UBR3: variants seen among roughly 807,000 people sequenced by gnomAD.
The protein encoded by UBR3 is ubiquitin protein ligase E3 component n-recognin 3, also known as E3 ubiquitin-protein ligase UBR3.
Under a neutral mutation model 243.2 loss-of-function variants are expected in UBR3, and 85 were observed. The observed-to-expected ratio is 0.35, with a 90% CI of 0.29 to 0.42. The LOEUF (loss-of-function observed/expected upper bound fraction) is 0.42, where lower values mean the gene tolerates loss of function less well. Among genes scored for constraint, UBR3 ranks in the 10% least tolerant of loss-of-function variants. The probability of loss-of-function intolerance (pLI) is 1.00; values close to 1 mark genes in which losing one functional copy is unlikely to be tolerated. For synonymous variants in UBR3, 748 were observed against 799.8 expected, an observed-to-expected ratio of 0.94 and a Z score of 1.09; for missense variants, 1,686 against 2,300.8, an observed-to-expected ratio of 0.73 and a Z score of 5.47.
chr2:170,001,965 T>C (rs2089729690), intron 27 of UBR3, among the ~76,000 whole-genome samples: 1 of 144,264 alleles, frequency 6.9e-6, no homozygotes, highest in Admixed American at 6.9e-5. Context: ...TTTTTCACTT[T>C]AGCAACTGAC....
chr2:169,857,839 T>C (rs1284537209), intron 1 of UBR3, among the ~76,000 whole-genome samples: 1 of 152,168 alleles, frequency 6.6e-6, no homozygotes, highest in Non-Finnish European at 1.5e-5. Context: ...CCTCCTGAGC[T>C]AAAGTGATCC....
At chr2:169,881,631 A>G (rs1269457497) in intron 5 of UBR3, among the ~76,000 whole-genome samples, 3 of 136,520 alleles carry the variant, frequency 2.2e-5, no homozygotes, top group Non-Finnish European at 3.1e-5. Flanking sequence ...TTTTTTTGAG[A>G]TAGGGTCTTG....
At chr2:170,051,423 C>A (rs1307011336) in intron 32 of UBR3, among the ~76,000 whole-genome samples, 3 of 152,170 alleles carry the variant, frequency 2.0e-5, no homozygotes, top group African/African-American at 7.2e-5. Context: ...CAGCTCACTG[C>A]AAACGCCATC....
intron 33 of UBR3, among the ~76,000 whole-genome samples, chr2:170,055,913 C>T (rs2091322332): frequency 1.3e-5 from 2 of 151,966 alleles, no homozygotes; most frequent in Non-Finnish European, 2.9e-5. Flanking sequence ...TTTTATTCGC[C>T]ACTTTTTCTT....
chr2:169,928,388 A>G (rs1283648953), intron 17 of UBR3, among the ~76,000 whole-genome samples: 1 of 152,122 alleles, frequency 6.6e-6, no homozygotes, highest in Non-Finnish European at 1.5e-5. Context: ...TTTTTTAAGG[A>G]AAAGTTATTT....
At chr2:170,014,985 C>G in intron 29 of UBR3, 12 of 147,836 alleles carry the variant, frequency 8.1e-5, no homozygotes, top group East Asian at 1.6e-4. Flanking sequence ...TTTTTTTTTT[C>G]TTAAGGCCTA....
chr2:169,975,244 T>C (rs1170338516), intron 24 of UBR3, among the ~76,000 whole-genome samples: 3 of 152,210 alleles, frequency 2.0e-5, no homozygotes, highest in Non-Finnish European at 4.4e-5. Context: ...GTTATTTAAT[T>C]TCCATGTATT....
chr2:169,828,094 G>A (rs1162021501), intron 1 of UBR3, 42 bp downstream of exon 1: 34 of 1,349,994 alleles, frequency 2.5e-5, no homozygotes, highest in Non-Finnish European at 3.2e-5. Flanking sequence ...CCCTGGGCCG[G>A]GGACGTCGCG....
intron 36 of UBR3, chr2:170,077,531 C>T (rs2091834949): frequency 1.2e-6 from 1 of 836,854 alleles, no homozygotes; most frequent in South Asian, 2.0e-5. Context: ...GTAAAGCCAT[C>T]TCCAACAAAG....
chr2:169,913,938 A>G (rs2085353840), intron 10 of UBR3, 122 bp from the exon 11 acceptor site: 1 of 392,008 alleles, frequency 2.6e-6, no homozygotes, highest in Non-Finnish European at 4.1e-6. Flanking sequence ...GGCAAATATA[A>G]TCTTAAAATC....
At chr2:169,870,661 AT>A (rs540084731) in intron 1 of UBR3, among the ~76,000 whole-genome samples, 8 of 148,806 alleles carry the variant, frequency 5.4e-5, no homozygotes, top group Admixed American at 6.7e-5. Flanking sequence ...TATTATTATT[AT>A]TTTTTTTTTG....
chr2:169,908,517 A>G (rs545724643), intron 10 of UBR3, among the ~76,000 whole-genome samples: 2 of 152,226 alleles, frequency 1.3e-5, no homozygotes, highest in South Asian at 4.1e-4. Flanking sequence ...GACATTGTTT[A>G]GATGCTTAAG....
rs1024412602 is a variant in UBR3 at position 170,083,931 on chromosome 2, T to G, written c.*2088T>G. 4.6e-4 allele frequency: 70 copies of G among 152,578 alleles called. No individual in the cohort carries two copies. The highest frequency in any genetic ancestry group is 1.6e-3 in the African/African-American group (67 of 41,454). The allele number at this position is 152,578 out of a possible 1,614,324, so 9.5% of individuals were successfully genotyped here. A position where few individuals can be genotyped will look rare whatever the true frequency, so the allele number is the denominator to read the frequency against. ...CACTTTTAAAAATAACAGGTCCAAG[T>G]TAGAGTGATGTGTGTATATTATTCA... On this transcript the variant is annotated 3_prime_UTR_variant, in exon 39 of 39. Coordinates refer to ENST00000272793, the MANE Select transcript of UBR3 (RefSeq NM_172070.4).
At chr2:169,843,878 T>A (rs1198014239) in intron 1 of UBR3, among the ~76,000 whole-genome samples, 4 of 152,232 alleles carry the variant, frequency 2.6e-5, no homozygotes, top group Admixed American at 6.5e-5. Flanking sequence ...ATTCCTTTTT[T>A]AAATATCTTG....
intron 24 of UBR3, among the ~76,000 whole-genome samples, chr2:169,969,505 ATGTG>A (rs2087987145): frequency 1.4e-5 from 2 of 148,038 alleles, no homozygotes; most frequent in African/African-American, 5.0e-5. Flanking sequence ...GGCTGTAAAT[ATGTG>A]TATTTATTTC....
intron 31 of UBR3, among the ~76,000 whole-genome samples, chr2:170,030,936 A>G (rs1404479375): frequency 6.6e-6 from 1 of 152,130 alleles, no homozygotes; most frequent in Non-Finnish European, 1.5e-5. Context: ...GCCTATTTCA[A>G]AAAATTGGAT....
chr2:170,053,775 T>A (rs946733491), intron 32 of UBR3, among the ~76,000 whole-genome samples: 1 of 152,218 alleles, frequency 6.6e-6, no homozygotes, highest in Non-Finnish European at 1.5e-5. Context: ...ATCTGCAAGT[T>A]TTTGACTCCA....
chr2:169,884,313 C>T (rs1022411639), intron 5 of UBR3, among the ~76,000 whole-genome samples: 4 of 152,012 alleles, frequency 2.6e-5, no homozygotes, highest in South Asian at 2.1e-4. Context: ...CCACCACACC[C>T]GGCTAATTTT....
intron 26 of UBR3, among the ~76,000 whole-genome samples, chr2:169,997,248 C>T (rs1198717894): frequency 2.6e-5 from 4 of 152,212 alleles, no homozygotes; most frequent in African/African-American, 9.6e-5. Context: ...GCCCACTGGG[C>T]TCACTCTACC....
Sources: gnomAD v4.1 joint callset for allele counts (sites outside exome capture counted in the v4.1 genomes callset) on GRCh38, gnomAD v4.1.1 for gene constraint, MANE v1.5 for transcripts, NCBI Gene and HGNC (gene_info 2026-07-23, HGNC 2026-07-21) for gene names.